The following TRIM33 variants were observed in gnomAD, a reference collection of about 807,000 sequenced individuals.
TRIM33 encodes the protein E3 ubiquitin-protein ligase TRIM33.
Under a neutral mutation model 125.4 loss-of-function variants are expected in TRIM33, and 20 were observed. That is an observed-to-expected ratio of 0.16 (90% confidence interval 0.11 to 0.23). The LOEUF (loss-of-function observed/expected upper bound fraction) is 0.23. TRIM33 is among the 10% of genes least tolerant of loss of function. The probability of loss-of-function intolerance (pLI) is 1.00; values close to 1 mark genes in which losing one functional copy is unlikely to be tolerated. For missense variants in TRIM33, 920 were observed against 1,411.4 expected (o/e 0.65, Z 5.58); for synonymous variants, 564 against 513.9 (o/e 1.10, Z -1.32).
intron 1 of TRIM33, among the ~76,000 whole-genome samples, chr1:114,499,955 T>C (rs1446326805): frequency 1.3e-5 from 2 of 152,126 alleles, no homozygotes; most frequent in Non-Finnish European, 2.9e-5. Flanking sequence ...GAGCTCAGAA[T>C]CAGAAGTTCA....
intron 1 of TRIM33, among the ~76,000 whole-genome samples, chr1:114,481,826 C>T (rs938865998): frequency 2.0e-5 from 3 of 151,858 alleles, no homozygotes; most frequent in Non-Finnish European, 2.9e-5. Flanking sequence ...GTGGCGTGAT[C>T]GCACCTCACT....
intron 4 of TRIM33, among the ~76,000 whole-genome samples, chr1:114,454,405 GC>G (rs1174550002): frequency 6.6e-6 from 1 of 152,050 alleles, no homozygotes; most frequent in African/African-American, 2.4e-5. Flanking sequence ...AAAAAAGTAG[GC>G]CAGGCATGGT....
chr1:114,419,623 C>T (rs1653153459), intron 11 of TRIM33, among the ~76,000 whole-genome samples: 1 of 151,462 alleles, frequency 6.6e-6, no homozygotes, highest in Admixed American at 6.6e-5. Flanking sequence ...TTCCCTCAGC[C>T]AAAAAAGACT....
At chr1:114,498,362 T>C (rs140862951) in intron 1 of TRIM33, among the ~76,000 whole-genome samples, 9 of 152,230 alleles carry the variant, frequency 5.9e-5, no homozygotes, top group African/African-American at 1.2e-4. Context: ...AAATGTACCA[T>C]GTAGGCCAGG....
intron 4 of TRIM33, among the ~76,000 whole-genome samples, chr1:114,462,175 G>A (rs1360987494): frequency 6.6e-6 from 1 of 152,136 alleles, no homozygotes. Context: ...CTCATGGATA[G>A]TTGGTGTGAA....
At chr1:114,399,708 T>C (rs1163453040) in intron 17 of TRIM33, 99 bp from the exon 18 acceptor site, 7 of 1,070,692 alleles carry the variant, frequency 6.5e-6, no homozygotes, top group Non-Finnish European at 9.4e-6. Context: ...AAAAAATTAT[T>C]ATAGAGCCAG....
At chr1:114,415,553 C>CT (rs142183584) in intron 11 of TRIM33, among the ~76,000 whole-genome samples, 4,679 of 152,256 alleles carry the variant, frequency 0.031, 168 homozygotes, top group African/African-American at 0.086. Flanking sequence ...AGTTTATTCT[C>CT]TGACTTCCAC....
chr1:114,431,623 C>T (rs1647955976), intron 5 of TRIM33, among the ~76,000 whole-genome samples: 1 of 152,290 alleles, frequency 6.6e-6, no homozygotes, highest in South Asian at 2.1e-4. Context: ...CAACGACCAA[C>T]CATAAGACAT....
chr1:114,488,759 C>T (rs1188259731), intron 1 of TRIM33, among the ~76,000 whole-genome samples: 1 of 151,972 alleles, frequency 6.6e-6, no homozygotes, highest in African/African-American at 2.4e-5. Flanking sequence ...CAAGATCTGT[C>T]CTTTAAAAAA....
intron 7 of TRIM33, 71 bp downstream of exon 7, chr1:114,427,677 C>T (rs1362556328): frequency 1.4e-6 from 2 of 1,450,582 alleles, no homozygotes; most frequent in Non-Finnish European, 1.9e-6. Context: ...ATACTTTAAA[C>T]AGGTGCAATT....
At chr1:114,486,056 C>G (rs1329466261) in intron 1 of TRIM33, among the ~76,000 whole-genome samples, 4 of 152,174 alleles carry the variant, frequency 2.6e-5, no homozygotes. Context: ...AGGCAGATCA[C>G]TTGAGGTCAG....
At chr1:114,416,266 CAG>C (rs1483298813) in intron 11 of TRIM33, among the ~76,000 whole-genome samples, 1 of 152,150 alleles carries the variant, frequency 6.6e-6, no homozygotes, top group East Asian at 1.9e-4. Flanking sequence ...TACCAACAAA[CAG>C]AAATGTTCTA....
intron 1 of TRIM33, among the ~76,000 whole-genome samples, chr1:114,500,134 T>C (rs917970604): frequency 6.6e-6 from 1 of 152,162 alleles, no homozygotes; most frequent in African/African-American, 2.4e-5. Context: ...GCCATTGCAC[T>C]CCAGCCTGGG....
chr1:114,464,486 C>G, intron 1 of TRIM33, 98 bp from the exon 2 acceptor site: 1 of 638,608 alleles, frequency 1.6e-6, no homozygotes, highest in South Asian at 2.6e-5. Context: ...CAGAGAAGAC[C>G]AAAGAAATGA....
rs41313993 is a variant in TRIM33 at position 114,397,011 on chromosome 1, G to A, written c.*637C>T. The A allele has an allele frequency of 0.013, 2,850 of 218,142 alleles. 28 individuals carry two copies. Among genetic ancestry groups the A allele is most frequent in the Non-Finnish European group, 0.021 (2,240 of 108,492 alleles). The allele number at this position is 218,142 out of a possible 1,614,324, so 13.5% of individuals were successfully genotyped here. Reference sequence around the variant, plus strand: ...GAAGTTGATTAAATGATAACTAGTGGTAGTGTTTCCTAAACCCTAAGTATG... The same window carrying A: ...GAAGTTGATTAAATGATAACTAGTGATAGTGTTTCCTAAACCCTAAGTATG... On this transcript the variant is annotated 3_prime_UTR_variant, in exon 20 of 20. Coordinates refer to ENST00000358465, the MANE Select transcript of TRIM33 (RefSeq NM_015906.4).
rs1211894998 is a variant in TRIM33 at position 114,397,595 on chromosome 1, T to C, written c.*53A>G. On this transcript the variant is annotated 3_prime_UTR_variant, in exon 20 of 20. Coordinates refer to ENST00000358465, the MANE Select transcript of TRIM33 (RefSeq NM_015906.4). ...AGTTTTCTGGGTTTTTTGTGTTTTT[T>C]TTTTTTTTTTCGTTTTTTTTTTTTT... is the stretch of plus-strand genomic sequence containing the variant. 6 of 1,128,824 alleles carry C rather than the reference T, an allele frequency of 5.3e-6. No individual in the cohort carries two copies. Among genetic ancestry groups the C allele is most frequent in the Non-Finnish European group, 7.6e-6 (6 of 790,428 alleles). The allele number at this position is 1,128,824 out of a possible 1,614,324, so 69.9% of individuals were successfully genotyped here.
chr1:114,401,364 C>T (rs374521066), intron 17 of TRIM33, 25 bp downstream of exon 17: 15 of 1,600,488 alleles, frequency 9.4e-6, no homozygotes, highest in African/African-American at 5.4e-5. Context: ...ACTTCCCCAC[C>T]GAGCTACTAA....
chr1:114,440,969 G>A (rs1390796899), intron 4 of TRIM33, among the ~76,000 whole-genome samples: 2 of 152,182 alleles, frequency 1.3e-5, no homozygotes, highest in East Asian at 1.9e-4. Context: ...ATACTTCTGT[G>A]TATAAATTAC....
intron 4 of TRIM33, among the ~76,000 whole-genome samples, chr1:114,441,087 C>T (rs12063561): frequency 0.024 from 3,699 of 152,294 alleles, 145 homozygotes; most frequent in African/African-American, 0.084. Context: ...GTGGGAGGAT[C>T]GCTTGCGGCC....
Sources: allele counts gnomAD v4.1 joint callset (sites outside exome capture counted in the v4.1 genomes callset), GRCh38; gene constraint gnomAD v4.1.1; transcripts MANE v1.5; gene names NCBI Gene and HGNC (gene_info 2026-07-23, HGNC 2026-07-21).